Variants in VTI1A observed in about 807,000 individuals in gnomAD.
VTI1A encodes the protein vesicle transport through interaction with t-SNAREs 1A.
A neutral mutation model predicts 34.9 loss-of-function variants in VTI1A; 22 were observed. The ratio of observed to expected loss-of-function variants is 0.63; its 90% CI spans 0.45 to 0.90. The LOEUF (loss-of-function observed/expected upper bound fraction) is 0.90, where lower values mean the gene tolerates loss of function less well. Ranked by LOEUF, VTI1A falls within the 40% of genes least tolerant of loss-of-function variation. The probability of loss-of-function intolerance (pLI) is 0.00; values close to 1 mark genes in which losing one functional copy is unlikely to be tolerated. For missense variants in VTI1A, 268 were observed against 275.6 expected, an observed-to-expected ratio of 0.97 and a Z score of 0.20; for synonymous variants, 87 against 97.3, an observed-to-expected ratio of 0.89 and a Z score of 0.62.
chr10:112,506,321 G>T (rs1449664165), intron 3 of VTI1A, among the ~76,000 whole-genome samples: 2 of 152,160 alleles, frequency 1.3e-5, no homozygotes, highest in Non-Finnish European at 2.9e-5. Flanking sequence ...ATTGACCAAA[G>T]CATTAAGCAA....
chr10:112,578,318 G>T (rs566115710), intron 5 of VTI1A, among the ~76,000 whole-genome samples: 3 of 152,284 alleles, frequency 2.0e-5, no homozygotes, highest in South Asian at 4.1e-4. Context: ...GATAGGAGGT[G>T]GGGGGCAGGG....
chr10:112,747,182 A>G (rs1229960460), intron 7 of VTI1A, among the ~76,000 whole-genome samples: 1 of 152,242 alleles, frequency 6.6e-6, no homozygotes, highest in African/African-American at 2.4e-5. Flanking sequence ...AACACTTCCC[A>G]TAAATGGGGA....
chr10:112,585,322 T>G (rs61874595), intron 5 of VTI1A, among the ~76,000 whole-genome samples: 9,612 of 152,272 alleles, frequency 0.063, 392 homozygotes, highest in Non-Finnish European at 0.089. Context: ...CTGAATAGAT[T>G]CAGTTGTGTG....
chr10:112,849,898 G>T, the VTI1A span, among the ~76,000 whole-genome samples: 1 of 152,154 alleles, frequency 6.6e-6, no homozygotes, highest in Non-Finnish European at 1.5e-5. Flanking sequence ...AAGGGCGAGG[G>T]TGTCCCTTAG....
chr10:112,779,152 A>T (rs1852040504), intron 7 of VTI1A, among the ~76,000 whole-genome samples: 1 of 152,182 alleles, frequency 6.6e-6, no homozygotes, highest in African/African-American at 2.4e-5. Context: ...TATTACCAAT[A>T]TTTCATCTTG....
intron 7 of VTI1A, among the ~76,000 whole-genome samples, chr10:112,813,418 C>T (rs1853388999): frequency 6.6e-6 from 1 of 152,190 alleles, no homozygotes; most frequent in South Asian, 2.1e-4. Context: ...AGTTTTCATG[C>T]TTTTAATCTG....
chr10:112,721,783 T>G (rs1156665393), intron 7 of VTI1A, among the ~76,000 whole-genome samples: 1 of 151,450 alleles, frequency 6.6e-6, no homozygotes, highest in African/African-American at 2.5e-5. Flanking sequence ...AGGCTAATTT[T>G]GAACCCATAT....
At chr10:112,604,129 G>A (rs566096263) in intron 5 of VTI1A, among the ~76,000 whole-genome samples, 1 of 152,242 alleles carries the variant, frequency 6.6e-6, no homozygotes, top group South Asian at 2.1e-4. Context: ...CCTATGATCT[G>A]TTTTGTTAAT....
chr10:112,780,325 A>T (rs1370216772), intron 7 of VTI1A, among the ~76,000 whole-genome samples: 1 of 141,236 alleles, frequency 7.1e-6, no homozygotes, highest in East Asian at 2.0e-4. Context: ...AATAAATAAA[A>T]TAATAACCTA....
rs1236428278 is a variant in VTI1A at position 112,767,341 on chromosome 10, G to C, written c.561-47949G>C. Among the ~76,000 whole-genome samples, 1 of 152,134 alleles carries C rather than the reference G, an allele frequency of 6.6e-6. No individual in the cohort carries two copies. The highest frequency in any genetic ancestry group is 2.4e-5 in the African/African-American group (1 of 41,392). On this transcript the variant is annotated intron_variant, in intron 7 of 7. Coordinates refer to ENST00000393077, the MANE Select transcript of VTI1A (RefSeq NM_145206.4). This position sits in a 1 kb window ranked among gnomAD's most constrained non-coding sequence, Gnocchi z 4.0. ...CCTGGAATTTGAATCCAGCTGGTCT[G>C]ACCTCAGAGCCCATACTCTTAATCA...
intron 5 of VTI1A, among the ~76,000 whole-genome samples, chr10:112,541,898 C>G (rs1850885005): frequency 6.6e-6 from 1 of 152,196 alleles, no homozygotes; most frequent in Non-Finnish European, 1.5e-5. Context: ...AGTTAATTGA[C>G]AGAACACTAC....
In VTI1A at chr10:112,751,510, G is replaced by A. The variant is rs1197721728; in HGVS notation, c.561-63780G>A. Among the ~76,000 whole-genome samples, 3 of 148,132 alleles carry A rather than the reference G, an allele frequency of 2.0e-5. No homozygotes were observed. In the East Asian group the frequency reaches 5.9e-4, roughly 29 times the overall value. ...AAAAAAAAAAAAAGCCCTGCAAGCTGCATCTTTGCTTCTAGACCAAGAGAC... is the reference window on the plus strand; with the variant it reads ...AAAAAAAAAAAAAGCCCTGCAAGCTACATCTTTGCTTCTAGACCAAGAGAC... On this transcript the variant is annotated intron_variant, in intron 7 of 7. Coordinates refer to ENST00000393077, the MANE Select transcript of VTI1A (RefSeq NM_145206.4).
chr10:112,618,636 C>G (rs1845613539), intron 5 of VTI1A, among the ~76,000 whole-genome samples: 1 of 149,558 alleles, frequency 6.7e-6, no homozygotes. Context: ...TCAGAAGAGA[C>G]TTTGTGAGGT....
the VTI1A span, among the ~76,000 whole-genome samples, chr10:112,830,850 T>TATATATATATATATATATATATA: frequency 1.6e-3 from 47 of 29,756 alleles, 1 homozygote; most frequent in Admixed American, 4.4e-3. Flanking sequence ...TATATATATA[T>TATATATATATATATATATATATA]TTTTTTTTTT....
chr10:112,695,927 A>G (rs920800177), intron 7 of VTI1A, among the ~76,000 whole-genome samples: 1 of 152,194 alleles, frequency 6.6e-6, no homozygotes. Flanking sequence ...TGAAACGTGT[A>G]AGTTGTTATG....
At chr10:112,614,708 C>A (rs981317789) in intron 5 of VTI1A, among the ~76,000 whole-genome samples, 1 of 151,974 alleles carries the variant, frequency 6.6e-6, no homozygotes, top group African/African-American at 2.4e-5. Context: ...GTTGTGAAGT[C>A]AGGTTAGATT....
At chr10:112,696,094 T>TTATATA (rs140889088) in intron 7 of VTI1A, among the ~76,000 whole-genome samples, 4,920 of 145,116 alleles carry the variant, frequency 0.034, 281 homozygotes, top group African/African-American at 0.12. Flanking sequence ...GAGAGAATGA[T>TTATATA]TATATATATA....
chr10:112,579,051 T>G (rs1293198885), intron 5 of VTI1A, among the ~76,000 whole-genome samples: 2 of 152,220 alleles, frequency 1.3e-5, no homozygotes, highest in Non-Finnish European at 2.9e-5. Flanking sequence ...CCTTACTTTC[T>G]GGTACATGGA....
At chr10:112,699,726 G>C (rs1026276903) in intron 7 of VTI1A, among the ~76,000 whole-genome samples, 13 of 151,990 alleles carry the variant, frequency 8.6e-5, no homozygotes, top group African/African-American at 3.1e-4. Flanking sequence ...AGCTACTCAG[G>C]AGGCTGAGGC....
Sources: allele counts gnomAD v4.1 joint callset (sites outside exome capture counted in the v4.1 genomes callset), GRCh38; gene constraint gnomAD v4.1.1; non-coding constraint Gnocchi (gnomAD v3.1); transcripts MANE v1.5; gene names NCBI Gene and HGNC (gene_info 2026-07-23, HGNC 2026-07-21).